ZC3H12B: variants seen among roughly 807,000 people sequenced by gnomAD.
The protein encoded by ZC3H12B is zinc finger CCCH-type containing 12B.
In ZC3H12B, 7 loss-of-function variants were observed where a neutral mutation model predicts 43.9. That is an observed-to-expected ratio of 0.16 (90% CI 0.09 to 0.30). The LOEUF (loss-of-function observed/expected upper bound fraction) is 0.30. Among genes scored for constraint, ZC3H12B ranks in the 10% least tolerant of loss-of-function variants. ZC3H12B has a pLI of 1.00. For missense variants in ZC3H12B, 475 were observed against 670.2 expected, an observed-to-expected ratio of 0.71 and a Z score of 3.22; for synonymous variants, 222 against 241.7, an observed-to-expected ratio of 0.92 and a Z score of 0.76.
At chrX:65,224,253 T>C in the ZC3H12B span, among the ~76,000 whole-genome samples, 1 of 112,641 alleles carries the variant, frequency 8.9e-6, no homozygotes, top group Non-Finnish European at 1.9e-5. Flanking sequence ...GCTATGAGGA[T>C]GCAAAGACAT....
the ZC3H12B span, among the ~76,000 whole-genome samples, chrX:65,248,591 A>G: frequency 8.9e-6 from 1 of 111,804 alleles, no homozygotes; most frequent in Non-Finnish European, 1.9e-5. Flanking sequence ...CATGGAGACT[A>G]CATCTCATGG....
the ZC3H12B span, among the ~76,000 whole-genome samples, chrX:65,160,477 G>T: frequency 5.4e-5 from 6 of 111,473 alleles, no homozygotes; most frequent in Non-Finnish European, 1.1e-4. Flanking sequence ...ACTTCTTTGT[G>T]GTTTAGTCTT....
chrX:65,493,623 A>C (rs1259591423), intron 1 of ZC3H12B, among the ~76,000 whole-genome samples: 1 of 111,501 alleles, frequency 9.0e-6, no homozygotes, highest in African/African-American at 3.3e-5. Context: ...CAAACATTTG[A>C]ACCCCAGAGA....
chrX:65,257,767 A>C, the ZC3H12B span, among the ~76,000 whole-genome samples: 2 of 111,210 alleles, frequency 1.8e-5, no homozygotes, highest in Non-Finnish European at 3.8e-5. Context: ...TATGCACACA[A>C]ACTAGAAAAC....
the ZC3H12B span, among the ~76,000 whole-genome samples, chrX:65,116,598 G>A: frequency 9.1e-6 from 1 of 109,427 alleles, no homozygotes; most frequent in Non-Finnish European, 1.9e-5. Context: ...TAAGTTCTAG[G>A]GTACATGTGT....
intron 3 of ZC3H12B, among the ~76,000 whole-genome samples, chrX:65,482,781 C>T (rs1197481366): frequency 8.9e-6 from 1 of 111,750 alleles, no homozygotes; most frequent in African/African-American, 3.2e-5. Context: ...TAATGGAACA[C>T]GTGACTGTGG....
the ZC3H12B span, among the ~76,000 whole-genome samples, chrX:65,256,174 T>G: frequency 8.9e-6 from 1 of 111,858 alleles, no homozygotes; most frequent in South Asian, 3.7e-4. Context: ...TCTTGACACT[T>G]GAACAAATGG....
chrX:65,342,358 T>C, the ZC3H12B span, among the ~76,000 whole-genome samples: 1 of 111,805 alleles, frequency 8.9e-6, no homozygotes, highest in Non-Finnish European at 1.9e-5. Context: ...TGTAGATACA[T>C]TATTCTCATC....
At chrX:65,315,656 A>T in the ZC3H12B span, among the ~76,000 whole-genome samples, 6 of 111,700 alleles carry the variant, frequency 5.4e-5, no homozygotes, top group African/African-American at 2.0e-4. Context: ...AACCAAAAGA[A>T]AAAAATCCAT....
the ZC3H12B span, among the ~76,000 whole-genome samples, chrX:65,165,591 C>G: frequency 2.9e-4 from 33 of 112,179 alleles, no homozygotes; most frequent in Admixed American, 3.1e-3. Flanking sequence ...GGTTTCCATC[C>G]AGCTTCATCC....
chrX:65,238,543 G>T, the ZC3H12B span, among the ~76,000 whole-genome samples: 1 of 110,691 alleles, frequency 9.0e-6, no homozygotes, highest in Non-Finnish European at 1.9e-5. Context: ...ACAGCACTGG[G>T]ATTCACTGAG....
the ZC3H12B span, among the ~76,000 whole-genome samples, chrX:65,194,642 A>G: frequency 4.5e-5 from 5 of 112,163 alleles, no homozygotes; most frequent in Admixed American, 1.9e-4. Context: ...AATCATGTCT[A>G]TTCTGCAGCC....
chrX:65,350,474 C>T, the ZC3H12B span, among the ~76,000 whole-genome samples: 1 of 111,165 alleles, frequency 9.0e-6, no homozygotes, highest in Admixed American at 9.6e-5. Flanking sequence ...CAGGTCTGGC[C>T]AGGGCAATCA....
the ZC3H12B span, among the ~76,000 whole-genome samples, chrX:65,117,757 T>C: frequency 1.8e-5 from 2 of 111,992 alleles, no homozygotes; most frequent in African/African-American, 6.5e-5. Flanking sequence ...AAGGAAGGGA[T>C]CCATTTTCAG....
intron 2 of ZC3H12B, among the ~76,000 whole-genome samples, chrX:65,380,348 A>G (rs989845120): frequency 8.9e-6 from 1 of 111,733 alleles, no homozygotes; most frequent in Non-Finnish European, 1.9e-5. Context: ...TTTCATATCC[A>G]GCCAAACTAA....
the ZC3H12B span, among the ~76,000 whole-genome samples, chrX:65,171,044 G>T: frequency 8.9e-5 from 10 of 111,975 alleles, no homozygotes; most frequent in African/African-American, 3.2e-4. Context: ...CTCTCAACTT[G>T]TCAGAGTCAT....
the ZC3H12B span, among the ~76,000 whole-genome samples, chrX:65,304,921 A>G: frequency 9.2e-4 from 103 of 112,172 alleles, no homozygotes; most frequent in African/African-American, 3.2e-3. Context: ...AAATATTTAC[A>G]TTGTACAAGT....
chrX:65,107,980 A>C, the ZC3H12B span, among the ~76,000 whole-genome samples: 14 of 111,888 alleles, frequency 1.3e-4, no homozygotes, highest in Admixed American at 1.2e-3. Context: ...TACTGCAGGC[A>C]GTTGTAACCC....
At chrX:65,496,807 T>C (rs2068289421) in intron 1 of ZC3H12B, among the ~76,000 whole-genome samples, 1 of 109,072 alleles carries the variant, frequency 9.2e-6, no homozygotes, top group Non-Finnish European at 1.9e-5. Context: ...AATACAAAAA[T>C]TAGCTGGGCA....
Sources: allele counts gnomAD v4.1 joint callset (sites outside exome capture counted in the v4.1 genomes callset), GRCh38; gene constraint gnomAD v4.1.1; transcripts MANE v1.5; gene names NCBI Gene and HGNC (gene_info 2026-07-23, HGNC 2026-07-21).